IL36B: variants seen among roughly 807,000 people sequenced by gnomAD.
IL36B encodes interleukin 36 beta.
IL36B carries 23 observed loss-of-function variants against 19.3 expected under a neutral mutation model. That is an observed-to-expected ratio of 1.19 (90% CI 0.86 to 1.69). The LOEUF is 1.69. IL36B is among the 40% of genes most tolerant of loss of function. The pLI is 0.00. For synonymous variants in IL36B, 59 were observed against 59.7 expected (o/e 0.99, Z 0.05); for missense variants, 217 against 200.5 (o/e 1.08, Z -0.50).
chr2:113,029,321 C>G (rs1685025301), intron 3 of IL36B, among the ~76,000 whole-genome samples: 1 of 152,164 alleles, frequency 6.6e-6, no homozygotes, highest in Non-Finnish European at 1.5e-5. Flanking sequence ...AAAATGTGGT[C>G]ATATGCTTAA....
intron 1 of IL36B, among the ~76,000 whole-genome samples, chr2:113,042,347 C>A (rs375308798): frequency 3.6e-4 from 34 of 94,524 alleles, no homozygotes; most frequent in African/African-American, 1.5e-3. Flanking sequence ...AATTAGCACA[C>A]AATAAACGGC....
In IL36B at chr2:113,036,548, T is replaced by G. The variant is rs540393041; in HGVS notation, c.-57-4782A>C. Among the ~76,000 whole-genome samples the G allele has an allele frequency of 7.2e-5, 11 of 152,276 alleles. No individual in the cohort carries two copies. The East Asian group carries it at 2.1e-3, about 29-fold the overall frequency. ...TGAAGCTCAGTTTTCATTCCCAGGT[T>G]GGAGATTCTGCCTCAGTCTCTGTCC... On this transcript the variant is annotated intron_variant, in intron 1 of 5. Coordinates refer to ENST00000259213, the MANE Select transcript of IL36B (RefSeq NM_014438.5).
At chr2:113,028,042 C>T in intron 4 of IL36B, 2 of 1,614,018 alleles carry the variant, frequency 1.2e-6, no homozygotes, top group South Asian at 1.1e-5. Flanking sequence ...AGAAGTGGAG[C>T]CTTCTTTATT....
At chr2:113,028,899 A>G in intron 4 of IL36B, 40 bp downstream of exon 4, 1 of 1,600,948 alleles carries the variant, frequency 6.2e-7, no homozygotes, top group Non-Finnish European at 8.5e-7. Flanking sequence ...TAGAAAGTCC[A>G]TATGACAGTA....
chr2:113,034,779 T>G (rs1422103506), intron 1 of IL36B, among the ~76,000 whole-genome samples: 2 of 152,224 alleles, frequency 1.3e-5, no homozygotes, highest in African/African-American at 4.8e-5. Context: ...TGCTCTCCTA[T>G]CGCCAGGATG....
chr2:113,029,464 T>C (rs1267237170), intron 3 of IL36B, among the ~76,000 whole-genome samples: 1 of 152,152 alleles, frequency 6.6e-6, no homozygotes, highest in Non-Finnish European at 1.5e-5. Flanking sequence ...CAAGAGATGA[T>C]GTTATCTTAG....
intron 3 of IL36B, 36 bp downstream of exon 3, chr2:113,031,012 C>A: frequency 2.1e-6 from 3 of 1,451,546 alleles, no homozygotes; most frequent in Non-Finnish European, 2.9e-6. Flanking sequence ...GATGGCATCA[C>A]CTCAAGAAGC....
chr2:113,028,998 C>T lies in IL36B; in HGVS notation c.202G>A (p.Gly68Arg). Residue 68 changes from glycine (G) to arginine (R), a missense_variant, in exon 4 of 6, where the codon GGA (glycine) becomes AGA (arginine). By Grantham distance (125) the Gly-to-Arg change is moderately radical. Coordinates refer to ENST00000259213, the MANE Select transcript of IL36B (RefSeq NM_014438.5). ...GCACAGAAGAGACAGAGATCTTTTC[C>T]CTTGATTCCCAGGTAAACCATATTA... The T allele has an allele frequency of 6.2e-7, 1 of 1,614,076 alleles. No homozygotes were observed. The highest frequency in any genetic ancestry group is 8.5e-7 in the Non-Finnish European group (1 of 1,179,962).
intron 1 of IL36B, among the ~76,000 whole-genome samples, chr2:113,050,736 A>T (rs1413588442): frequency 1.3e-5 from 2 of 152,256 alleles, no homozygotes; most frequent in African/African-American, 2.4e-5. Flanking sequence ...ATAATAATAA[A>T]AAAAGATAGT....
intron 5 of IL36B, among the ~76,000 whole-genome samples, chr2:113,024,666 C>T (rs537332835): frequency 6.6e-6 from 1 of 152,208 alleles, no homozygotes; most frequent in African/African-American, 2.4e-5. Flanking sequence ...ACTCCTCTGG[C>T]AGAGGGCACA....
chr2:113,027,160 G>A (rs1421155231), intron 4 of IL36B, among the ~76,000 whole-genome samples: 1 of 150,672 alleles, frequency 6.6e-6, no homozygotes, highest in African/African-American at 2.5e-5. Flanking sequence ...TATTCATTAA[G>A]TGGGAGTGGA....
At chr2:113,035,985 C>A (rs1004055820) in intron 1 of IL36B, among the ~76,000 whole-genome samples, 1 of 152,194 alleles carries the variant, frequency 6.6e-6, no homozygotes, top group Admixed American at 6.5e-5. Context: ...CTCTGTCGCC[C>A]AGGCTGGAAT....
At chr2:113,027,760 A>T (rs1684990721) in intron 4 of IL36B, 1 of 1,453,126 alleles carries the variant, frequency 6.9e-7, no homozygotes, top group African/African-American at 1.4e-5. Flanking sequence ...TTGGAGGAGG[A>T]GGTGGCTTTT....
Position 113,028,261 on chromosome 2 carries a change from T to C in IL36B, c.261+678A>G, listed in dbSNP as rs1573365946. ...GACAAAGGCAGATGAAGCAGGGCAT[T>C]AGAGTGTTAAAAACGGGAACTCACT... On this transcript the variant is annotated intron_variant, in intron 4 of 5. Coordinates refer to ENST00000259213, the MANE Select transcript of IL36B (RefSeq NM_014438.5). The C allele has an allele frequency of 9.0e-6, 6 of 663,884 alleles. No homozygotes were observed. The South Asian group carries it at 9.6e-5, about 11-fold the overall frequency. 41.1% of individuals were successfully genotyped at this position (663,884 alleles called of 1,614,324 possible).
At position 113,052,845 on chromosome 2, in the gene IL36B, G is replaced by C. The variant is rs900006784; in HGVS notation, c.-86C>G. ...GGAAAAGTGAAGGAGAGGTGAGAAA[G>C]ACAGAGTGGGGAGGAACCCGTGTCT... is the stretch of plus-strand genomic sequence containing the variant. On this transcript the variant is annotated 5_prime_UTR_variant, in exon 1 of 6. Coordinates refer to ENST00000259213, the MANE Select transcript of IL36B (RefSeq NM_014438.5). The C allele has an allele frequency of 6.6e-6, 1 of 152,286 alleles. No homozygotes were observed. Among genetic ancestry groups the C allele is most frequent in the Admixed American group, 6.5e-5 (1 of 15,282 alleles). 9.4% of individuals were successfully genotyped at this position (152,286 alleles called of 1,614,324 possible).
Position 113,036,283 on chromosome 2 carries a change from T to C in IL36B, c.-57-4517A>G, listed in dbSNP as rs1295788370. Among the ~76,000 whole-genome samples, 5 of 151,856 alleles carry C rather than the reference T, an allele frequency of 3.3e-5. No homozygotes were observed. In the East Asian group the frequency reaches 9.7e-4, roughly 29 times the overall value. On this transcript the variant is annotated intron_variant, in intron 1 of 5. Coordinates refer to ENST00000259213, the MANE Select transcript of IL36B (RefSeq NM_014438.5). Reference sequence around the variant, plus strand: ...TTTTTAAAGCAATATACATGTGTTGTTATAAAAAAAAAGATTAAAACTAAT... The same window carrying C: ...TTTTTAAAGCAATATACATGTGTTGCTATAAAAAAAAAGATTAAAACTAAT...
At chr2:113,030,528 G>T (rs532038760) in intron 3 of IL36B, among the ~76,000 whole-genome samples, 1 of 152,180 alleles carries the variant, frequency 6.6e-6, no homozygotes, top group Non-Finnish European at 1.5e-5. Flanking sequence ...TGATAGAAAG[G>T]GTCCAGTAAA....
chr2:113,039,023 T>G (rs1685202307), intron 1 of IL36B, among the ~76,000 whole-genome samples: 1 of 152,238 alleles, frequency 6.6e-6, no homozygotes, highest in South Asian at 2.1e-4. Flanking sequence ...TCGTGGGTTC[T>G]GTCCTTTAAG....
intron 1 of IL36B, among the ~76,000 whole-genome samples, chr2:113,045,233 G>A (rs1026349077): frequency 6.6e-6 from 1 of 151,868 alleles, no homozygotes; most frequent in Non-Finnish European, 1.5e-5. Context: ...ATTTTTTGCT[G>A]GTTATAACCG....
Sources: gnomAD v4.1 joint callset for allele counts (sites outside exome capture counted in the v4.1 genomes callset) on GRCh38, gnomAD v4.1.1 for gene constraint, MANE v1.5 for transcripts, NCBI Gene and HGNC (gene_info 2026-07-23, HGNC 2026-07-21) for gene names.